Variants in RTL5 observed in about 807,000 individuals in gnomAD.
RTL5 encodes retrotransposon Gag like 5, also known as retrotransposon Gag-like protein 5.
A neutral mutation model predicts 7.7 loss-of-function variants in RTL5; 8 were observed. The observed-to-expected ratio is 1.04, with a 90% CI of 0.61 to 1.88. The LOEUF (loss-of-function observed/expected upper bound fraction) is 1.88. Among genes scored for constraint, RTL5 ranks in the 40% most tolerant of loss-of-function variants. RTL5 has a pLI of 0.00. For synonymous variants in RTL5, 188 were observed against 191.8 expected (o/e 0.98, Z 0.16); for missense variants, 457 against 472.7 (o/e 0.97, Z 0.31).
exon 1 of RTL5, chrX:72,130,248 G>A: frequency 8.3e-7 from 1 of 1,208,469 alleles, no homozygotes; most frequent in Non-Finnish European, 1.1e-6. Context: ...CTGGTTTCTG[G>A]CCCCCATCCT....
At chrX:72,131,143 G>T (rs779530511) in exon 1 of RTL5, 2 of 1,192,167 alleles carry the variant, frequency 1.7e-6, no homozygotes, top group Admixed American at 4.5e-5. Flanking sequence ...TGACGCGGGC[G>T]GAGGCAGCGC....
At chrX:72,131,725 G>C in exon 1 of RTL5, 1 of 346,451 alleles carries the variant, frequency 2.9e-6, no homozygotes, top group Non-Finnish European at 4.7e-6. Flanking sequence ...TGGGCGGAGG[G>C]CCCGGCGGCT....
chrX:72,129,741 G>C, exon 1 of RTL5: 1 of 905,829 alleles, frequency 1.1e-6, no homozygotes, highest in Non-Finnish European at 1.5e-6. Flanking sequence ...CTGAAGTCCT[G>C]GTCAGCAAAT....
Position 72,130,985 on chromosome X carries a change from C to T in RTL5, c.556G>A (p.Glu186Lys), listed in dbSNP as rs749616789. The T allele has an allele frequency of 5.8e-6, 7 of 1,210,979 alleles. No individual in the cohort carries two copies. In the East Asian group the frequency reaches 1.8e-4, roughly 31 times the overall value. ...AAGGAGATCAGAAAGGCCACCCGCT[C>T]GGCGCCCCCGGGGAAATGAACCTCA... Residue 186 changes from glutamate to lysine, a missense_variant, in exon 1 of 1, where the codon GAG (glutamate) becomes AAG (lysine). Coordinates refer to ENST00000609883, the Ensembl canonical transcript of RTL5.
chrX:72,129,704 C>A, exon 1 of RTL5: 1 of 673,293 alleles, frequency 1.5e-6, no homozygotes, highest in Non-Finnish European at 2.2e-6. Flanking sequence ...TGCAGGTCTT[C>A]TTCAGGTTCT....
At position 72,130,574 on chromosome X, in the gene RTL5, G is replaced by A. The variant is rs756761561; in HGVS notation, c.967C>T (p.Arg323Ter). The change falls in exon 1 of 1, where the codon CGA (arginine) becomes TGA (stop). Residue 323 changes from arginine (R) to a stop codon, truncating the protein, a stop_gained. Coordinates refer to ENST00000609883, the Ensembl canonical transcript of RTL5. LOFTEE classifies it low-confidence loss of function (END_TRUNC). ...GGAGCAAAAGGGAAGATGATATTTC[G>A]AACTCCAGGGAGCGGGATAGGCTTG... is the stretch of plus-strand genomic sequence containing the variant. 3 of 1,211,063 alleles carry A rather than the reference G, an allele frequency of 2.5e-6. No individual in the cohort carries two copies. Among genetic ancestry groups the A allele is most frequent in the Admixed American group, 4.4e-5 (2 of 45,967 alleles).
chrX:72,130,034 G>A (rs760468437), exon 1 of RTL5: 14 of 1,211,335 alleles, frequency 1.2e-5, no homozygotes, highest in Non-Finnish European at 1.6e-5. Flanking sequence ...CGTCTGCTAG[G>A]CTGTATTATG....
At chrX:72,131,552 CA>C (rs2042300447) in exon 1 of RTL5, 3 of 1,160,805 alleles carry the variant, frequency 2.6e-6, no homozygotes, top group African/African-American at 3.6e-5. Flanking sequence ...TCGACAAGCC[CA>C]GGGGCCCTGG....
At chrX:72,129,219 A>G (rs924627690) in exon 1 of RTL5, 1 of 113,619 alleles carries the variant, frequency 8.8e-6, no homozygotes, top group Non-Finnish European at 1.9e-5. Flanking sequence ...GTGGCTTTGC[A>G]CACTCTCACT....
exon 1 of RTL5, chrX:72,128,860 G>A (rs968150368): frequency 3.5e-5 from 4 of 113,185 alleles, no homozygotes; most frequent in Non-Finnish European, 5.6e-5. Flanking sequence ...GCCTGGCAAG[G>A]GGAGAAGACC....
chrX:72,129,736 G>C, exon 1 of RTL5: 1 of 872,449 alleles, frequency 1.1e-6, no homozygotes, highest in South Asian at 2.4e-5. Context: ...ACTCCCTGAA[G>C]TCCTGGTCAG....
At chrX:72,127,815 A>G (rs959698054) in exon 1 of RTL5, 1 of 113,174 alleles carries the variant, frequency 8.8e-6, no homozygotes, top group African/African-American at 3.2e-5. Flanking sequence ...GAGAATGCTT[A>G]AATGAATTAT....
downstream of RTL5, chrX:72,127,556 C>T (rs926009268): frequency 9.0e-6 from 1 of 110,822 alleles, no homozygotes; most frequent in African/African-American, 3.3e-5. Context: ...TTAAGGCACC[C>T]GTCCTTCACA....
exon 1 of RTL5, chrX:72,131,622 C>A: frequency 1.0e-6 from 1 of 989,594 alleles, no homozygotes; most frequent in Non-Finnish European, 1.4e-6. Flanking sequence ...GGCCGAAATG[C>A]GGCGGCGGGG....
exon 1 of RTL5, chrX:72,131,432 C>A: frequency 8.3e-7 from 1 of 1,211,007 alleles, no homozygotes; most frequent in Non-Finnish European, 1.1e-6. Context: ...AGGGCTCTCC[C>A]GAGCTGGAGG....
At chrX:72,127,405 C>T (rs1215934625), downstream of RTL5, 6 of 110,228 alleles carry the variant, frequency 5.4e-5, no homozygotes, top group Non-Finnish European at 7.6e-5. Context: ...AAAGGGAAGC[C>T]CAAGCCCCTC....
rs1350350428 is a variant in RTL5, at chrX:72,130,446, G to A, written c.1095C>T (p.Arg365=). 3.3e-6 allele frequency: 4 copies of A among 1,207,043 alleles called. No homozygotes were observed. In the Admixed American group the frequency reaches 6.6e-5, roughly 20 times the overall value. ...TCATCTCTTGCTGAAAAGCCCTCAT[G>A]CGCTTCCTCTGGTCCTTGGAGTGAA... Residue 365 remains arginine, a synonymous_variant, in exon 1 of 1, where the codon CGC becomes CGT. Transcript: ENST00000609883.
chrX:72,131,428 C>T (rs1247419972), exon 1 of RTL5: 1 of 1,211,298 alleles, frequency 8.3e-7, no homozygotes, highest in Admixed American at 2.2e-5. Context: ...GGCCAGGGCT[C>T]TCCCGAGCTG....
chrX:72,131,790 G>C, exon 1 of RTL5: 2 of 234,669 alleles, frequency 8.5e-6, no homozygotes, highest in Admixed American at 7.2e-5. Flanking sequence ...GCGGAGGCAC[G>C]GGGCCCGGAG....
Sources: allele counts gnomAD v4.1 joint callset, GRCh38; gene constraint gnomAD v4.1.1; transcripts MANE v1.5; gene names NCBI Gene and HGNC (gene_info 2026-07-23, HGNC 2026-07-21).